The following GPR21 variants were observed in gnomAD, a reference collection of about 807,000 sequenced individuals.
GPR21 encodes the protein G protein-coupled receptor 21.
Under a neutral mutation model 21.5 loss-of-function variants are expected in GPR21, and 9 were observed. That is an observed-to-expected ratio of 0.42 (90% confidence interval 0.25 to 0.73). The LOEUF is 0.73. Among genes scored for constraint, GPR21 ranks in the 30% least tolerant of loss-of-function variants. The pLI is 0.27. For missense variants in GPR21, 416 were observed against 428.9 expected (o/e 0.97, Z 0.27); for synonymous variants, 169 against 159.3 (o/e 1.06, Z -0.46).
chr9:123,034,340 A>G lies in GPR21; in HGVS notation c.-227A>G. On this transcript the variant is annotated 5_prime_UTR_variant, in exon 2 of 2. Coordinates refer to ENST00000616002, the MANE Select transcript of GPR21 (RefSeq NM_005294.3). ...ACCTGGCACTATGGCCGCGTCTGGG[A>G]CTGGCCAGACAACTGCTGCTGGCTC... 1 of 553,000 alleles carries G rather than the reference A, an allele frequency of 1.8e-6. No homozygotes were observed. Among genetic ancestry groups the G allele is most frequent in the Non-Finnish European group, 3.2e-6 (1 of 316,764 alleles). The allele number at this position is 553,000 out of a possible 1,614,324, so 34.3% of individuals were successfully genotyped here. A position where few individuals can be genotyped will look rare whatever the true frequency, so the allele number is the denominator to read the frequency against.
downstream of GPR21, among the ~76,000 whole-genome samples, chr9:123,037,634 A>G (rs1484670595): frequency 6.6e-6 from 1 of 152,180 alleles, no homozygotes; most frequent in African/African-American, 2.4e-5. Context: ...CAGTTTGCTT[A>G]TGAATTTTTA....
rs762876091 is a variant in GPR21 at position 123,034,638 on chromosome 9, T to C, written c.72T>C (p.Thr24=). The C allele has an allele frequency of 1.2e-5, 19 of 1,613,604 alleles. 2 individuals carry two copies. The South Asian group carries it at 2.0e-4, about 17-fold the overall frequency. The change falls in exon 2 of 2, where the codon ACT becomes ACC. Residue 24 remains threonine, a synonymous_variant. Transcript: ENST00000616002. ...FCLLAFGYLE[T]VNFCLLEVLI... is the part of the protein sequence containing the mutation. Reference sequence around the variant, plus strand: ...TCTTGGCATTTGGCTATTTGGAAACTGTCAATTTTTGCCTTTTGGAAGTAT... The same window carrying C: ...TCTTGGCATTTGGCTATTTGGAAACCGTCAATTTTTGCCTTTTGGAAGTAT...
At chr9:123,046,724 G>T in the GPR21 span, among the ~76,000 whole-genome samples, 16 of 152,338 alleles carry the variant, frequency 1.1e-4, no homozygotes, top group Non-Finnish European at 2.1e-4. Flanking sequence ...GAAGTTTTAA[G>T]TTGAGATATA....
chr9:123,047,210 A>C, the GPR21 span, among the ~76,000 whole-genome samples: 3 of 152,238 alleles, frequency 2.0e-5, no homozygotes, highest in Non-Finnish European at 2.9e-5. Context: ...GTACTAATCA[A>C]AATGTTCTCT....
At position 123,035,568 on chromosome 9, in the gene GPR21, C is replaced by T; in HGVS notation, c.1002C>T (p.Asp334=). 6.2e-7 allele frequency: 1 copy of T among 1,609,682 alleles called. No homozygotes were observed. The highest frequency in any genetic ancestry group is 1.1e-5 in the South Asian group (1 of 90,436). The change falls in exon 2 of 2, where the codon GAC becomes GAT. Residue 334 remains aspartate (D), a synonymous_variant. Transcript: ENST00000616002. The part of the protein sequence containing the change: ...TSCASQTTAN[D]PYTVRSKGPL... ...GTGCAAGTCAGACTACAGCCAACGA[C>T]CCTTACACAGTTAGAAGCAAAGGCC...
At position 123,034,853 on chromosome 9, in the gene GPR21, T is replaced by C. The variant is rs1439905723; in HGVS notation, c.287T>C (p.Val96Ala). Reference protein sequence around the residue: ...SLSLLHHPLPVEESLTCQIFG... With the variant: ...SLSLLHHPLPAEESLTCQIFG... ...TCACTCCTCCATCACCCCCTTCCAGTAGAGGAGTCCTTGACTTGCCAGATA... is the reference window on the plus strand; with the variant it reads ...TCACTCCTCCATCACCCCCTTCCAGCAGAGGAGTCCTTGACTTGCCAGATA... Residue 96 changes from valine to alanine, a missense_variant, in exon 2 of 2, where the codon GTA becomes GCA. By Grantham distance (64) the Val-to-Ala change is moderately conservative (BLOSUM62 0). Coordinates refer to ENST00000616002, the MANE Select transcript of GPR21 (RefSeq NM_005294.3). 6.2e-7 allele frequency: 1 copy of C among 1,614,098 alleles called. No homozygotes were observed. The highest frequency in any genetic ancestry group is 1.1e-5 in the South Asian group (1 of 91,070).
downstream of GPR21, among the ~76,000 whole-genome samples, chr9:123,036,622 T>C (rs1012249513): frequency 7.2e-5 from 11 of 152,182 alleles, no homozygotes; most frequent in Non-Finnish European, 1.6e-4. Context: ...GTATACAGAT[T>C]GTTTTTTTAA....
the GPR21 span, among the ~76,000 whole-genome samples, chr9:123,043,909 T>A: frequency 1.3e-5 from 2 of 149,574 alleles, no homozygotes; most frequent in Non-Finnish European, 3.0e-5. Context: ...TCTTTTTTTT[T>A]TTTTTTTTTG....
chr9:123,037,482 C>G (rs1006961959), downstream of GPR21, among the ~76,000 whole-genome samples: 4 of 152,086 alleles, frequency 2.6e-5, no homozygotes, highest in African/African-American at 9.7e-5. Context: ...GGTTAAATTG[C>G]CATTTCAAAT....
At chr9:123,036,096 T>C (rs539576094), downstream of GPR21, among the ~76,000 whole-genome samples, 1 of 152,364 alleles carries the variant, frequency 6.6e-6, no homozygotes, top group East Asian at 1.9e-4. Context: ...AGAAATTACT[T>C]TTTATGTATG....
chr9:123,041,706 G>A, the GPR21 span, among the ~76,000 whole-genome samples: 5 of 152,176 alleles, frequency 3.3e-5, no homozygotes, highest in Non-Finnish European at 7.3e-5. Context: ...CTGACTCAGC[G>A]GAATCAACAG....
the GPR21 span, among the ~76,000 whole-genome samples, chr9:123,042,613 C>A: frequency 1.3e-4 from 20 of 151,690 alleles, no homozygotes; most frequent in Non-Finnish European, 1.6e-4. Context: ...AGTAAGCAGG[C>A]TAGAAAATGA....
the GPR21 span, among the ~76,000 whole-genome samples, chr9:123,046,831 G>A: frequency 5.3e-5 from 8 of 152,182 alleles, no homozygotes. Flanking sequence ...GTAGACTTAA[G>A]ACTTCTGAGA....
chr9:123,042,814 A>G, the GPR21 span, among the ~76,000 whole-genome samples: 2 of 152,246 alleles, frequency 1.3e-5, no homozygotes, highest in African/African-American at 2.4e-5. Context: ...ACGTGTTTTC[A>G]TAATGAAAAG....
At chr9:123,042,465 C>T in the GPR21 span, among the ~76,000 whole-genome samples, 9 of 152,116 alleles carry the variant, frequency 5.9e-5, no homozygotes, top group Non-Finnish European at 1.3e-4. Flanking sequence ...AACCAAAAAA[C>T]CCAACTGTAA....
At chr9:123,041,536 T>C in the GPR21 span, among the ~76,000 whole-genome samples, 1 of 152,180 alleles carries the variant, frequency 6.6e-6, no homozygotes, top group Non-Finnish European at 1.5e-5. Context: ...ATGACAGACC[T>C]CCTGCTAAAT....
chr9:123,047,940 T>G, the GPR21 span, among the ~76,000 whole-genome samples: 31 of 100,384 alleles, frequency 3.1e-4, no homozygotes, highest in Middle Eastern at 4.1e-3. Context: ...TTTTTTTTTT[T>G]TTTTTTTTTT....
downstream of GPR21, among the ~76,000 whole-genome samples, chr9:123,039,675 A>G (rs2032857046): frequency 1.3e-5 from 2 of 152,208 alleles, no homozygotes; most frequent in South Asian, 4.1e-4. Context: ...TTCGGCCCAG[A>G]GAACTTCAGG....
In GPR21 at chr9:123,034,210, C is replaced by G. The variant is rs2032476035; in HGVS notation, c.-357C>G. 3.6e-6 allele frequency: 1 copy of G among 275,890 alleles called. No individual in the cohort carries two copies. Among genetic ancestry groups the G allele is most frequent in the Admixed American group, 4.9e-5 (1 of 20,246 alleles). 17.1% of individuals were successfully genotyped at this position (275,890 alleles called of 1,614,324 possible). A position where few individuals can be genotyped will look rare whatever the true frequency, so the allele number is the denominator to read the frequency against. Reference sequence around the variant, plus strand: ...CTCATTACAACTCCTGCTGAAGCTCCTAATCTTCTTCCCTTCTCTTCTACC... The same window carrying G: ...CTCATTACAACTCCTGCTGAAGCTCGTAATCTTCTTCCCTTCTCTTCTACC... On this transcript the variant is annotated 5_prime_UTR_variant, in exon 2 of 2. Transcript: ENST00000616002.
Sources: allele counts gnomAD v4.1 joint callset (sites outside exome capture counted in the v4.1 genomes callset), GRCh38; gene constraint gnomAD v4.1.1; transcripts MANE v1.5; gene names NCBI Gene and HGNC (gene_info 2026-07-23, HGNC 2026-07-21).